Variants in PRKAG2 observed in about 807,000 individuals in gnomAD.
The protein encoded by PRKAG2 is protein kinase AMP-activated non-catalytic subunit gamma 2, also known as 5'-AMP-activated protein kinase subunit gamma-2.
A neutral mutation model predicts 69.6 loss-of-function variants in PRKAG2; 26 were observed. The ratio of observed to expected loss-of-function variants is 0.37; its 90% CI spans 0.27 to 0.52. The LOEUF (loss-of-function observed/expected upper bound fraction) is 0.52, where lower values mean the gene tolerates loss of function less well. PRKAG2 is among the 20% of genes least tolerant of loss of function. The pLI is 0.90. For missense variants in PRKAG2, 557 were observed against 740.0 expected (o/e 0.75, Z 2.87); for synonymous variants, 293 against 285.0 (o/e 1.03, Z -0.28).
At chr7:151,673,756 G>A (rs935556882) in intron 4 of PRKAG2, among the ~76,000 whole-genome samples, 35 of 151,766 alleles carry the variant, frequency 2.3e-4, no homozygotes, top group African/African-American at 8.2e-4. Context: ...ACCTGTGAAT[G>A]TGACTTTTGG....
intron 3 of PRKAG2, among the ~76,000 whole-genome samples, chr7:151,683,014 T>C (rs1834117789): frequency 6.6e-6 from 1 of 152,198 alleles, no homozygotes; most frequent in Non-Finnish European, 1.5e-5. Flanking sequence ...TGAGAAGACA[T>C]CTCCTCCTTT....
intron 4 of PRKAG2, among the ~76,000 whole-genome samples, chr7:151,662,669 G>A (rs889113501): frequency 2.1e-4 from 32 of 152,206 alleles, no homozygotes; most frequent in African/African-American, 7.7e-4. Flanking sequence ...GGGAGGCCAA[G>A]GAAGGAGGAT....
At chr7:151,830,751 C>T (rs1445727825) in intron 1 of PRKAG2, among the ~76,000 whole-genome samples, 5 of 129,190 alleles carry the variant, frequency 3.9e-5, no homozygotes, top group Non-Finnish European at 6.3e-5. Flanking sequence ...TCTGGCCAAA[C>T]TTCCCTCTTT....
chr7:151,814,940 TGGAG>T lies in PRKAG2; in HGVS notation c.115-28403_115-28400del. 2 of 1,146,930 alleles carry T rather than the reference TGGAG, an allele frequency of 1.7e-6. No homozygotes were observed. The highest frequency in any genetic ancestry group is 2.2e-6 in the Non-Finnish European group (2 of 911,482). 71.0% of individuals were successfully genotyped at this position (1,146,930 alleles called of 1,614,324 possible). On this transcript the variant is annotated intron_variant, in intron 1 of 15. Transcript: ENST00000287878. This position sits in a 1 kb window ranked among gnomAD's most constrained non-coding sequence, Gnocchi z 4.8. Reference sequence around the variant, plus strand: ...GCTTTTAAAAAGACAGGCAGCAGGATGGAGGGAGGCAGGAGCAGAGGCCGATGAT... The same window carrying T: ...GCTTTTAAAAAGACAGGCAGCAGGATGGAGGCAGGAGCAGAGGCCGATGAT...
chr7:151,797,074 C>T (rs1391410447), intron 1 of PRKAG2, among the ~76,000 whole-genome samples: 2 of 152,168 alleles, frequency 1.3e-5, no homozygotes, highest in East Asian at 1.9e-4. Flanking sequence ...CAGCCAGCTG[C>T]AGACACACCC....
At chr7:151,669,940 T>TGCATGCCCATACC (rs1175905752) in intron 4 of PRKAG2, among the ~76,000 whole-genome samples, 1 of 13,410 alleles carries the variant, frequency 7.5e-5, no homozygotes, top group Non-Finnish European at 1.6e-4. Flanking sequence ...GTGCACACAC[T>TGCATGCCCATACC]TGCATGTACA....
At chr7:151,610,085 G>A (rs73479354) in intron 5 of PRKAG2, among the ~76,000 whole-genome samples, 9,393 of 152,264 alleles carry the variant, frequency 0.062, 949 homozygotes, top group African/African-American at 0.21. Flanking sequence ...CAGACTATAA[G>A]AACCTTAGTG....
Position 151,556,842 on chromosome 7 carries a change from T to A in PRKAG2, c.*359A>T. Reference sequence around the variant, plus strand: ...GGTGACATATTGCTGTATTCGGACATAAGGCACTGTGATCTGAACATACCG... The same window carrying A: ...GGTGACATATTGCTGTATTCGGACAAAAGGCACTGTGATCTGAACATACCG... On this transcript the variant is annotated 3_prime_UTR_variant, in exon 16 of 16. Coordinates refer to ENST00000287878, the MANE Select transcript of PRKAG2 (RefSeq NM_016203.4). 3.5e-6 allele frequency: 1 copy of A among 285,164 alleles called. No individual in the cohort carries two copies. Among genetic ancestry groups the A allele is most frequent in the South Asian group, 3.9e-5 (1 of 25,320 alleles). 17.7% of individuals were successfully genotyped at this position (285,164 alleles called of 1,614,324 possible).
intron 6 of PRKAG2, among the ~76,000 whole-genome samples, chr7:151,588,285 C>G (rs1335346304): frequency 6.6e-6 from 1 of 150,854 alleles, no homozygotes; most frequent in Non-Finnish European, 1.5e-5. Flanking sequence ...TGGGAGGGAC[C>G]CAGTGGGAGG....
In PRKAG2 at chr7:151,719,909, T is replaced by C. The variant is rs1178930019; in HGVS notation, c.467-44272A>G. ...TTCACTGAGGCCGCCACATTCAATCTGCACCTTCCCATGGAACTCTCCCAA... is the reference window on the plus strand; with the variant it reads ...TTCACTGAGGCCGCCACATTCAATCCGCACCTTCCCATGGAACTCTCCCAA... On this transcript the variant is annotated intron_variant, in intron 3 of 15. Coordinates refer to ENST00000287878, the MANE Select transcript of PRKAG2 (RefSeq NM_016203.4). The surrounding 1 kb of genome is among the most constrained non-coding windows in gnomAD (Gnocchi z 5.2). 6.6e-6 allele frequency among the ~76,000 whole-genome samples: 1 copy of C among 152,174 alleles called. No homozygotes were observed. Among genetic ancestry groups the C allele is most frequent in the Non-Finnish European group, 1.5e-5 (1 of 68,034 alleles).
chr7:151,758,961 C>A (rs1360693528), intron 3 of PRKAG2, among the ~76,000 whole-genome samples: 1 of 152,174 alleles, frequency 6.6e-6, no homozygotes, highest in African/African-American at 2.4e-5. Flanking sequence ...CCCCTCACTG[C>A]TCACCCCAGC....
rs748343279 is a variant in PRKAG2, at chr7:151,632,051, C to T, written c.754+18G>A. The stretch of plus-strand genomic sequence containing the variant: ...GGCCGTGGGAGCGCCGGGCCGGCAG[C>T]GGGCGGGGCGCACTCACCTTCGTCC... On this transcript the variant is annotated intron_variant, in intron 5 of 15. Coordinates refer to ENST00000287878, the MANE Select transcript of PRKAG2 (RefSeq NM_016203.4). This position sits in a 1 kb window ranked among gnomAD's most constrained non-coding sequence, Gnocchi z 4.2. The T allele has an allele frequency of 1.2e-5, 16 of 1,356,852 alleles. No individual in the cohort carries two copies. Among genetic ancestry groups the T allele is most frequent in the South Asian group, 5.0e-5 (3 of 60,484 alleles). 84.1% of individuals were successfully genotyped at this position (1,356,852 alleles called of 1,614,324 possible). A position where few individuals can be genotyped will look rare whatever the true frequency, so the allele number is the denominator to read the frequency against.
intron 3 of PRKAG2, among the ~76,000 whole-genome samples, chr7:151,706,080 G>A (rs578116816): frequency 2.6e-5 from 4 of 152,298 alleles, no homozygotes; most frequent in African/African-American, 9.6e-5. Context: ...ATGCTTCCCG[G>A]AGTAAAAGGT....
At chr7:151,746,446 C>A (rs542394005) in intron 3 of PRKAG2, among the ~76,000 whole-genome samples, 1 of 152,304 alleles carries the variant, frequency 6.6e-6, no homozygotes, top group East Asian at 1.9e-4. Context: ...CAATTCTGAG[C>A]CATTTAGTTT....
intron 3 of PRKAG2, among the ~76,000 whole-genome samples, chr7:151,693,341 G>A (rs1836005288): frequency 2.0e-5 from 3 of 152,134 alleles, no homozygotes; most frequent in South Asian, 2.1e-4. Context: ...CCAGGGAAAA[G>A]TGAGAAGGTG....
chr7:151,773,160 G>A (rs1351954474), intron 3 of PRKAG2, among the ~76,000 whole-genome samples: 3 of 129,282 alleles, frequency 2.3e-5, no homozygotes, highest in Non-Finnish European at 4.7e-5. Flanking sequence ...AAGGAAGGAA[G>A]GGAAGCAAGG....
rs959803215 is a variant in PRKAG2 at position 151,719,054 on chromosome 7, T to C, written c.467-43417A>G. Among the ~76,000 whole-genome samples, 7 of 152,224 alleles carry C rather than the reference T, an allele frequency of 4.6e-5. No individual in the cohort carries two copies. The highest frequency in any genetic ancestry group is 7.4e-5 in the Non-Finnish European group (5 of 68,016). On this transcript the variant is annotated intron_variant, in intron 3 of 15. Coordinates refer to ENST00000287878, the MANE Select transcript of PRKAG2 (RefSeq NM_016203.4). This position sits in a 1 kb window ranked among gnomAD's most constrained non-coding sequence, Gnocchi z 5.2. Reference sequence around the variant, plus strand: ...CCACAAACATTCATTAAGCCCCTGATAAGTACAAGGCCCCGAACTCAGGGA... The same window carrying C: ...CCACAAACATTCATTAAGCCCCTGACAAGTACAAGGCCCCGAACTCAGGGA...
At chr7:151,829,724 T>C (rs957125852) in intron 1 of PRKAG2, among the ~76,000 whole-genome samples, 1 of 151,962 alleles carries the variant, frequency 6.6e-6, no homozygotes, top group African/African-American at 2.4e-5. Flanking sequence ...TGGTACAACA[T>C]GGATGAAACT....
intron 3 of PRKAG2, among the ~76,000 whole-genome samples, chr7:151,765,716 A>T (rs2075699801): frequency 6.6e-6 from 1 of 152,332 alleles, no homozygotes; most frequent in South Asian, 2.1e-4. Context: ...GGGGGTCAGG[A>T]CTTCCACAAA....
Sources: gnomAD v4.1 joint callset for allele counts (sites outside exome capture counted in the v4.1 genomes callset) on GRCh38, gnomAD v4.1.1 for gene constraint, Gnocchi (gnomAD v3.1) non-coding constraint, MANE v1.5 for transcripts, NCBI Gene and HGNC (gene_info 2026-07-23, HGNC 2026-07-21) for gene names.